Variants in ISG20 observed in about 807,000 individuals in gnomAD.
ISG20 encodes interferon-stimulated gene 20 kDa protein.
Under a neutral mutation model 11.1 loss-of-function variants are expected in ISG20, and 8 were observed. That is an observed-to-expected ratio of 0.72 (90% CI 0.42 to 1.30). The LOEUF is 1.30. ISG20 is among the 50% of genes most tolerant of loss of function. ISG20 has a pLI of 0.01. For synonymous variants in ISG20, 110 were observed against 101.7 expected, an observed-to-expected ratio of 1.08 and a Z score of -0.49; for missense variants, 243 against 250.2, an observed-to-expected ratio of 0.97 and a Z score of 0.19.
Position 88,639,257 on chromosome 15 carries a change from G to C in ISG20, c.-24-86G>C. On this transcript the variant is annotated intron_variant, in intron 1 of 3. Coordinates refer to ENST00000306072, the MANE Select transcript of ISG20 (RefSeq NM_002201.6). This position sits in a 1 kb window ranked among gnomAD's most constrained non-coding sequence, Gnocchi z 4.2. The stretch of plus-strand genomic sequence containing the variant: ...TGTCGGAAACAAAGGGCAGGGCGGA[G>C]GGTAAGGCCAGCTGGGGTTGGCTGA... 1 of 787,142 alleles carries C rather than the reference G, an allele frequency of 1.3e-6. No homozygotes were observed. The highest frequency in any genetic ancestry group is 2.0e-6 in the Non-Finnish European group (1 of 497,100). The allele number at this position is 787,142 out of a possible 1,614,324, so 48.8% of individuals were successfully genotyped here.
At position 88,639,355 on chromosome 15, in the gene ISG20, T is replaced by A; in HGVS notation, c.-12T>A. 2 of 1,600,658 alleles carry A rather than the reference T, an allele frequency of 1.2e-6. No individual in the cohort carries two copies. Among genetic ancestry groups the A allele is most frequent in the Non-Finnish European group, 1.7e-6 (2 of 1,172,132 alleles). On this transcript the variant is annotated 5_prime_UTR_variant, in exon 2 of 4. Coordinates refer to ENST00000306072, the MANE Select transcript of ISG20 (RefSeq NM_002201.6). The surrounding 1 kb of genome is among the most constrained non-coding windows in gnomAD (Gnocchi z 4.2). ...CCCCTCTCTCCAGCATCTCTGAGGG[T>A]CCCCAAGGAACATGGCTGGGAGCCG...
chr15:88,647,397 C>G (rs1325652613), intron 2 of ISG20: 2 of 152,220 alleles, frequency 1.3e-5, no homozygotes, highest in Non-Finnish European at 2.9e-5. Flanking sequence ...TGGCCGGTAT[C>G]TAGTGGGTAG....
At chr15:88,649,844 C>T in intron 2 of ISG20, 2 of 243,382 alleles carry the variant, frequency 8.2e-6, no homozygotes, top group Non-Finnish European at 1.6e-5. Flanking sequence ...AGCGTGAGCT[C>T]TGTCCAGAGA....
At chr15:88,635,752 TAGTA>T (rs1402615500), upstream of ISG20, among the ~76,000 whole-genome samples, 3 of 152,042 alleles carry the variant, frequency 2.0e-5, no homozygotes, top group African/African-American at 2.4e-5. Flanking sequence ...TATTTTATGG[TAGTA>T]AGTGATAAAA....
At position 88,651,125 on chromosome 15, in the gene ISG20, C is replaced by G. The variant is rs543240298; in HGVS notation, c.229-985C>G. 2.9e-3 allele frequency: 2,464 copies of G among 850,572 alleles called. 11 individuals carry two copies. The highest frequency in any genetic ancestry group is 3.3e-3 in the Non-Finnish European group (2,340 of 706,988). 52.7% of individuals were successfully genotyped at this position (850,572 alleles called of 1,614,324 possible). A position where few individuals can be genotyped will look rare whatever the true frequency, so the allele number is the denominator to read the frequency against. ...GAAGTCAGAAGTCATACAGGCCAGC[C>G]CATATGCAATGGGAGGGGAGTTTGA... On this transcript the variant is annotated intron_variant, in intron 2 of 3. Coordinates refer to ENST00000306072, the MANE Select transcript of ISG20 (RefSeq NM_002201.6).
chr15:88,650,499 T>G lies in ISG20; in HGVS notation c.229-1611T>G. The G allele has an allele frequency of 7.2e-7, 1 of 1,396,526 alleles. No homozygotes were observed. The highest frequency in any genetic ancestry group is 9.4e-7 in the Non-Finnish European group (1 of 1,067,828). 86.5% of individuals were successfully genotyped at this position (1,396,526 alleles called of 1,614,324 possible). A position where few individuals can be genotyped will look rare whatever the true frequency, so the allele number is the denominator to read the frequency against. On this transcript the variant is annotated intron_variant, in intron 2 of 3. Coordinates refer to ENST00000306072, the MANE Select transcript of ISG20 (RefSeq NM_002201.6). The surrounding 1 kb of genome is among the most constrained non-coding windows in gnomAD (Gnocchi z 4.0). ...CTAACTAGCCGTGTGACTGTCCCAGTTATCAAATGGTGCTTGGCAAATCAC... is the reference window on the plus strand; with the variant it reads ...CTAACTAGCCGTGTGACTGTCCCAGGTATCAAATGGTGCTTGGCAAATCAC...
At chr15:88,640,711 C>T (rs1015235873) in intron 2 of ISG20, among the ~76,000 whole-genome samples, 1 of 152,038 alleles carries the variant, frequency 6.6e-6, no homozygotes, top group Admixed American at 6.6e-5. Flanking sequence ...CATCTATAAT[C>T]CCAGCACGGT....
intron 2 of ISG20, chr15:88,647,328 C>T (rs1188347148): frequency 6.6e-6 from 1 of 151,768 alleles, no homozygotes; most frequent in Non-Finnish European, 1.5e-5. Context: ...ATCTCTGTGT[C>T]TGACCATTAT....
At chr15:88,649,249 G>T (rs1283315462) in intron 2 of ISG20, 1 of 152,416 alleles carries the variant, frequency 6.6e-6, no homozygotes, top group East Asian at 1.9e-4. Flanking sequence ...AGATGGTTCT[G>T]TTCTTTCCCT....
rs906298103 is a variant in ISG20 at position 88,656,363 on chromosome 15, T to C, written c.*832T>C. ...CTCTCTGAGGGGAGGGCATCCTGTA[T>C]GGGGAGGAGGGTCTGGACCAGAGCT... On this transcript the variant is annotated 3_prime_UTR_variant, in exon 4 of 4. Transcript: ENST00000306072. 1 of 152,124 alleles carries C rather than the reference T, an allele frequency of 6.6e-6. No homozygotes were observed. The highest frequency in any genetic ancestry group is 2.4e-5 in the African/African-American group (1 of 41,422). The allele number at this position is 152,124 out of a possible 1,614,324, so 9.4% of individuals were successfully genotyped here. A position where few individuals can be genotyped will look rare whatever the true frequency, so the allele number is the denominator to read the frequency against.
At chr15:88,642,773 C>T (rs544906270) in intron 2 of ISG20, among the ~76,000 whole-genome samples, 19 of 152,300 alleles carry the variant, frequency 1.2e-4, no homozygotes, top group African/African-American at 3.6e-4. Context: ...TGCACCACCA[C>T]GCCTGGCTAA....
At chr15:88,641,436 G>A (rs2141389855) in intron 2 of ISG20, among the ~76,000 whole-genome samples, 1 of 152,304 alleles carries the variant, frequency 6.6e-6, no homozygotes, top group East Asian at 1.9e-4. Flanking sequence ...GGAGGCTGCA[G>A]TCTGAGATCC....
upstream of ISG20, among the ~76,000 whole-genome samples, chr15:88,638,464 G>C (rs2058020212): frequency 6.6e-6 from 1 of 152,160 alleles, no homozygotes; most frequent in Admixed American, 6.5e-5. Context: ...AGCTCATTGA[G>C]GCATCTGGAA....
At chr15:88,655,156 C>T (rs917727798) in intron 3 of ISG20, among the ~76,000 whole-genome samples, 2 of 152,256 alleles carry the variant, frequency 1.3e-5, no homozygotes, top group Non-Finnish European at 2.9e-5. Context: ...GCCTCCCTTG[C>T]GGGACTGCAG....
rs140778639 is a variant in ISG20, at chr15:88,643,081, A to T, written c.228+3487A>T. On this transcript the variant is annotated intron_variant, in intron 2 of 3. Transcript: ENST00000306072. This position sits in a 1 kb window ranked among gnomAD's most constrained non-coding sequence, Gnocchi z 4.4. The stretch of plus-strand genomic sequence containing the variant: ...TACAAAAAAAATAAATAAATAAAAT[A>T]AAAATTAGCCAGACATGGTGGTGCA... Among the ~76,000 whole-genome samples, 668 of 152,126 alleles carry T rather than the reference A, an allele frequency of 4.4e-3. 8 individuals are homozygous for T. The highest frequency in any genetic ancestry group is 0.015 in the African/African-American group (638 of 41,518).
At chr15:88,649,543 C>T (rs2058236576) in intron 2 of ISG20, 1 of 152,608 alleles carries the variant, frequency 6.6e-6, no homozygotes, top group African/African-American at 2.4e-5. Context: ...TTCAGGAGCA[C>T]AAAGGATGTT....
chr15:88,652,044 GC>G, intron 2 of ISG20, 65 bp from the exon 3 acceptor site: 1 of 1,603,708 alleles, frequency 6.2e-7, no homozygotes, highest in Non-Finnish European at 8.5e-7. Flanking sequence ...TTGCTCCCTT[GC>G]CAGCCCCAGC....
chr15:88,637,332 ATTTTTTT>A (rs66503151), upstream of ISG20: 42,389 of 137,830 alleles, frequency 0.31, 7,506 homozygotes, highest in East Asian at 0.59. Context: ...TTGAGGTTTG[ATTTTTTT>A]TTTTTTTTTT....
chr15:88,650,544 A>C lies in ISG20; in HGVS notation c.229-1566A>C. The C allele has an allele frequency of 8.8e-7, 1 of 1,140,452 alleles. No homozygotes were observed. The highest frequency in any genetic ancestry group is 1.2e-6 in the Non-Finnish European group (1 of 851,574). 70.6% of individuals were successfully genotyped at this position (1,140,452 alleles called of 1,614,324 possible). ...AATCACACCAAAACTTACCGGTTCAAACAATGTCAATACTTATTTCGCTCG... is the reference window on the plus strand; with the variant it reads ...AATCACACCAAAACTTACCGGTTCACACAATGTCAATACTTATTTCGCTCG... On this transcript the variant is annotated intron_variant, in intron 2 of 3. Transcript: ENST00000306072. The surrounding 1 kb of genome is among the most constrained non-coding windows in gnomAD (Gnocchi z 4.0).
Sources: allele counts gnomAD v4.1 joint callset (sites outside exome capture counted in the v4.1 genomes callset), GRCh38; gene constraint gnomAD v4.1.1; non-coding constraint Gnocchi (gnomAD v3.1); transcripts MANE v1.5; gene names NCBI Gene and HGNC (gene_info 2026-07-23, HGNC 2026-07-21).